CHODL: variants seen among roughly 807,000 people sequenced by gnomAD.
The protein encoded by CHODL is transmembrane protein MT75.
A neutral mutation model predicts 34.5 loss-of-function variants in CHODL; 29 were observed. That is an observed-to-expected ratio of 0.84 (90% CI 0.63 to 1.15). The LOEUF (loss-of-function observed/expected upper bound fraction) is 1.15, where lower values mean the gene tolerates loss of function less well. CHODL is among the 50% of genes most tolerant of loss of function. The pLI, the probability that CHODL is intolerant of heterozygous loss-of-function variation, is 0.00. For missense variants in CHODL, 332 were observed against 332.5 expected, an observed-to-expected ratio of 1.00 and a Z score of 0.01; for synonymous variants, 125 against 116.1, an observed-to-expected ratio of 1.08 and a Z score of -0.49.
chr21:18,068,570 T>C (rs1297235000), intron 2 of CHODL, among the ~76,000 whole-genome samples: 1 of 152,168 alleles, frequency 6.6e-6, no homozygotes, highest in Non-Finnish European at 1.5e-5. Context: ...TTAATCCAAC[T>C]GGGCCTCATT....
chr21:17,976,096 C>T (rs1366329045), intron 1 of CHODL, among the ~76,000 whole-genome samples: 3 of 151,570 alleles, frequency 2.0e-5, no homozygotes, highest in African/African-American at 7.3e-5. Flanking sequence ...TTCTGTGAAA[C>T]CCCATCTCTA....
At position 17,980,670 on chromosome 21, in the gene CHODL, G is replaced by A. The variant is rs142225885; in HGVS notation, c.-144-47202G>A. Among the ~76,000 whole-genome samples the A allele has an allele frequency of 3.0e-4, 45 of 152,166 alleles. 2 individuals are homozygous for A. The highest frequency in any genetic ancestry group is 3.4e-3 in the Middle Eastern group (1 of 292). On this transcript the variant is annotated intron_variant, in intron 1 of 6. Coordinates refer to the CHODL transcript ENST00000400127. The stretch of plus-strand genomic sequence containing the variant: ...ACCAGCTTCTGTTCTTGGGTTTCAC[G>A]GGTACCTGGACATTCTTTGTATGAC...
At chr21:18,071,722 T>C (rs2064807740) in intron 2 of CHODL, among the ~76,000 whole-genome samples, 1 of 149,002 alleles carries the variant, frequency 6.7e-6, no homozygotes, top group Non-Finnish European at 1.5e-5. Context: ...TTCATTTCTA[T>C]TTCTATTACA....
intron 2 of CHODL, among the ~76,000 whole-genome samples, chr21:18,217,201 T>G (rs990439761): frequency 1.3e-5 from 2 of 152,118 alleles, no homozygotes. Flanking sequence ...GGTAGTTTTA[T>G]TTTTAGTTTT....
At chr21:18,015,355 C>T (rs1421929719) in intron 1 of CHODL, among the ~76,000 whole-genome samples, 1 of 152,156 alleles carries the variant, frequency 6.6e-6, no homozygotes, top group African/African-American at 2.4e-5. Flanking sequence ...TCCTCTTTGC[C>T]TTCCACCATG....
intron 1 of CHODL, among the ~76,000 whole-genome samples, chr21:18,248,855 C>T (rs1189936010): frequency 9.1e-6 from 1 of 109,810 alleles, no homozygotes; most frequent in African/African-American, 4.4e-5. Flanking sequence ...TGTATATATA[C>T]ATTGTATATG....
chr21:18,261,950 T>A (rs2074387528), intron 4 of CHODL, among the ~76,000 whole-genome samples: 1 of 152,036 alleles, frequency 6.6e-6, no homozygotes, highest in Non-Finnish European at 1.5e-5. Context: ...CCCAGTGACT[T>A]GTATGGAATC....
chr21:18,007,523 G>A (rs1298980100), intron 1 of CHODL, among the ~76,000 whole-genome samples: 1 of 152,076 alleles, frequency 6.6e-6, no homozygotes, highest in Non-Finnish European at 1.5e-5. Context: ...GTTTTGATTA[G>A]GTGCATGCAT....
At chr21:18,173,922 C>G (rs1009519514) in intron 2 of CHODL, among the ~76,000 whole-genome samples, 7 of 151,060 alleles carry the variant, frequency 4.6e-5, no homozygotes. Context: ...TTGACCCAAT[C>G]TTGACTTGTT....
intron 1 of CHODL, among the ~76,000 whole-genome samples, chr21:18,005,674 G>T (rs1324002132): frequency 6.6e-6 from 1 of 152,202 alleles, no homozygotes; most frequent in African/African-American, 2.4e-5. Context: ...TCCCACTGAG[G>T]TTCCTCCAAG....
intron 2 of CHODL, among the ~76,000 whole-genome samples, chr21:18,156,146 T>C (rs935256744): frequency 6.6e-6 from 1 of 152,226 alleles, no homozygotes; most frequent in African/African-American, 2.4e-5. Flanking sequence ...GATAATTTTT[T>C]GATGAAAATT....
At chr21:18,203,252 T>C (rs1431353155) in intron 2 of CHODL, among the ~76,000 whole-genome samples, 2 of 152,266 alleles carry the variant, frequency 1.3e-5, no homozygotes, top group East Asian at 3.9e-4. Flanking sequence ...TAGGAACCAT[T>C]TGAGTATTCA....
intron 1 of CHODL, among the ~76,000 whole-genome samples, chr21:18,016,158 C>A (rs538729512): frequency 1.1e-4 from 17 of 152,330 alleles, no homozygotes; most frequent in African/African-American, 3.6e-4. Context: ...TCATGGCAGC[C>A]CATCCTGTAA....
At position 18,082,687 on chromosome 21, in the gene CHODL, C is replaced by T. The variant is rs146888914; in HGVS notation, c.-45+54716C>T. The stretch of plus-strand genomic sequence containing the variant: ...TATGCTTTAGCAAAGAGACTGGTGG[C>T]ATTTTGCTCCTGCTGTAGAAATCTA... On this transcript the variant is annotated intron_variant, in intron 2 of 6. Coordinates refer to the CHODL transcript ENST00000400127. Among the ~76,000 whole-genome samples, 672 of 152,250 alleles carry T rather than the reference C, an allele frequency of 4.4e-3. 5 individuals carry two copies. The highest frequency in any genetic ancestry group is 0.014 in the African/African-American group (582 of 41,556).
intron 1 of CHODL, among the ~76,000 whole-genome samples, chr21:17,946,636 T>C (rs549345341): frequency 1.1e-4 from 16 of 148,034 alleles, no homozygotes; most frequent in African/African-American, 4.0e-4. Context: ...TTTTACTGGA[T>C]TGACTGCTTT....
chr21:17,999,515 A>G, intron 1 of CHODL, among the ~76,000 whole-genome samples: 1 of 152,208 alleles, frequency 6.6e-6, no homozygotes, highest in East Asian at 1.9e-4. Flanking sequence ...CTGTGGAAAA[A>G]AAAAGGTTTA....
At chr21:17,975,450 A>T (rs73194508) in intron 1 of CHODL, among the ~76,000 whole-genome samples, 27,540 of 151,998 alleles carry the variant, frequency 0.18, 2,858 homozygotes, top group Middle Eastern at 0.31. Context: ...AAAAATTTTT[A>T]AAAAAGAAGA....
intron 2 of CHODL, among the ~76,000 whole-genome samples, chr21:18,209,729 A>C (rs2073753116): frequency 6.6e-6 from 1 of 152,112 alleles, no homozygotes; most frequent in South Asian, 2.1e-4. Flanking sequence ...GGGGCTCTTT[A>C]GTCAGCAGAT....
chr21:18,105,097 T>C (rs2065257766), intron 2 of CHODL, among the ~76,000 whole-genome samples: 1 of 152,226 alleles, frequency 6.6e-6, no homozygotes, highest in Non-Finnish European at 1.5e-5. Context: ...TTTTTCTCCT[T>C]TTTGGCAACT....
Sources: allele counts gnomAD v4.1 joint callset (sites outside exome capture counted in the v4.1 genomes callset), GRCh38; gene constraint gnomAD v4.1.1; transcripts MANE v1.5; gene names NCBI Gene and HGNC (gene_info 2026-07-23, HGNC 2026-07-21).